Variants in PDPK1 observed in about 807,000 individuals in gnomAD.
The protein encoded by PDPK1 is 3-phosphoinositide-dependent protein kinase 1.
A neutral mutation model predicts 39.8 loss-of-function variants in PDPK1; 7 were observed. The ratio of observed to expected loss-of-function variants is 0.18; its 90% CI spans 0.10 to 0.33. The LOEUF (loss-of-function observed/expected upper bound fraction) is 0.33. Ranked by LOEUF, PDPK1 falls within the 10% of genes least tolerant of loss-of-function variation. The probability of loss-of-function intolerance (pLI) is 1.00; values close to 1 mark genes in which losing one functional copy is unlikely to be tolerated. For missense variants in PDPK1, 182 were observed against 384.7 expected, an observed-to-expected ratio of 0.47 and a Z score of 4.41; for synonymous variants, 118 against 159.1, an observed-to-expected ratio of 0.74 and a Z score of 1.95.
In PDPK1 at chr16:2,586,548, C is replaced by T. The variant is rs1597061425; in HGVS notation, c.1126-128C>T. ...ATGGAGGAGAATCAGGGCTGCCCAC[C>T]CTGTCGCCTTGCGCCTTGCTGTGTG... is the stretch of plus-strand genomic sequence containing the variant. On this transcript the variant is annotated intron_variant, in intron 10 of 13. Coordinates refer to ENST00000342085, the MANE Select transcript of PDPK1 (RefSeq NM_002613.5). 6 of 728,122 alleles carry T rather than the reference C, an allele frequency of 8.2e-6. No homozygotes were observed. The East Asian group carries it at 1.6e-4, about 19-fold the overall frequency. 45.1% of individuals were successfully genotyped at this position (728,122 alleles called of 1,614,324 possible).
intron 1 of PDPK1, among the ~76,000 whole-genome samples, chr16:2,544,630 T>C (rs1277363688): frequency 1.3e-5 from 2 of 152,028 alleles, no homozygotes; most frequent in South Asian, 2.1e-4. Flanking sequence ...GTCGCCCAAG[T>C]TGGAGTGCAG....
intron 1 of PDPK1, among the ~76,000 whole-genome samples, chr16:2,539,825 G>A (rs529271914): frequency 6.6e-6 from 1 of 152,338 alleles, no homozygotes; most frequent in Admixed American, 6.5e-5. Context: ...TGCAAGGTGT[G>A]TATTTGGTGT....
At chr16:2,553,026 G>T (rs534593986) in intron 1 of PDPK1, among the ~76,000 whole-genome samples, 3 of 146,334 alleles carry the variant, frequency 2.1e-5, no homozygotes, top group Non-Finnish European at 4.4e-5. Flanking sequence ...TTCCCTTGGG[G>T]GTGGTACGTG....
At chr16:2,585,090 C>T (rs1037925568) in intron 10 of PDPK1, among the ~76,000 whole-genome samples, 1 of 152,230 alleles carries the variant, frequency 6.6e-6, no homozygotes, top group African/African-American at 2.4e-5. Context: ...GCAGCACAGG[C>T]TTCAGTTGTC....
In PDPK1 at chr16:2,601,910, G is replaced by A. The variant is rs1188959290; in HGVS notation, c.*4143G>A. Reference sequence around the variant, plus strand: ...TCTTCATTTCTCCACTGTAGTTGGGGTCCATTGATTGTGCAGGGGAACGTG... The same window carrying A: ...TCTTCATTTCTCCACTGTAGTTGGGATCCATTGATTGTGCAGGGGAACGTG... On this transcript the variant is annotated 3_prime_UTR_variant, in exon 14 of 14. Coordinates refer to ENST00000342085, the MANE Select transcript of PDPK1 (RefSeq NM_002613.5). 1 of 232,502 alleles carries A rather than the reference G, an allele frequency of 4.3e-6. No homozygotes were observed. Among genetic ancestry groups the A allele is most frequent in the Non-Finnish European group, 8.6e-6 (1 of 116,848 alleles). 14.4% of individuals were successfully genotyped at this position (232,502 alleles called of 1,614,324 possible).
intron 11 of PDPK1, among the ~76,000 whole-genome samples, chr16:2,589,035 A>T (rs2141997236): frequency 6.6e-6 from 1 of 152,150 alleles, no homozygotes; most frequent in Admixed American, 6.5e-5. Context: ...CTGCTCACAC[A>T]ACCTCCGCCT....
At chr16:2,558,576 C>T (rs575746007) in intron 2 of PDPK1, among the ~76,000 whole-genome samples, 3 of 149,814 alleles carry the variant, frequency 2.0e-5, no homozygotes, top group South Asian at 4.2e-4. Flanking sequence ...AAATGAAGGT[C>T]GAAAGCAGCT....
At position 2,544,614 on chromosome 16, in the gene PDPK1, C is replaced by T. The variant is rs537355320; in HGVS notation, c.24+6478C>T. Among the ~76,000 whole-genome samples, 264 of 152,010 alleles carry T rather than the reference C, an allele frequency of 1.7e-3. 1 individual carries two copies. Among genetic ancestry groups the T allele is most frequent in the African/African-American group, 5.5e-3 (230 of 41,442 alleles). On this transcript the variant is annotated intron_variant, in intron 1 of 13. Transcript: ENST00000342085. ...AATTTTTTTTTTTGAGACGGAGTCTCGCTCTGTCGCCCAAGTTGGAGTGCA... is the reference window on the plus strand; with the variant it reads ...AATTTTTTTTTTTGAGACGGAGTCTTGCTCTGTCGCCCAAGTTGGAGTGCA...
At position 2,600,897 on chromosome 16, in the gene PDPK1, G is replaced by A. The variant is rs1244669523; in HGVS notation, c.*3130G>A. The A allele has an allele frequency of 1.3e-4, 28 of 214,158 alleles. No homozygotes were observed. The highest frequency in any genetic ancestry group is 2.0e-4 in the Non-Finnish European group (22 of 111,926). 13.3% of individuals were successfully genotyped at this position (214,158 alleles called of 1,614,324 possible). On this transcript the variant is annotated 3_prime_UTR_variant, in exon 14 of 14. Transcript: ENST00000342085. ...AAAATAGGAACATCCGACACACACC[G>A]TTTGCATCGTCTTCTCCCTTGATAT... is the stretch of plus-strand genomic sequence containing the variant.
Position 2,599,039 on chromosome 16 carries a change from C to T in PDPK1, c.*1272C>T, listed in dbSNP as rs148393103. ...TGGTCGGCTTTCCTCTAGAGAGAGC[C>T]GGTTTTGGGGCCATTTCCCTTTGAT... is the stretch of plus-strand genomic sequence containing the variant. On this transcript the variant is annotated 3_prime_UTR_variant, in exon 14 of 14. Transcript: ENST00000342085. 5.0e-4 allele frequency: 116 copies of T among 233,432 alleles called. No homozygotes were observed. The East Asian group carries it at 5.8e-3, about 12-fold the overall frequency. The allele number at this position is 233,432 out of a possible 1,614,324, so 14.5% of individuals were successfully genotyped here. A position where few individuals can be genotyped will look rare whatever the true frequency, so the allele number is the denominator to read the frequency against.
At chr16:2,592,714 C>T (rs2142002770) in intron 11 of PDPK1, 1 of 443,138 alleles carries the variant, frequency 2.3e-6, no homozygotes, top group South Asian at 1.6e-5. Flanking sequence ...GAAGTGCTCA[C>T]AGCAAGGAGC....
Position 2,577,645 on chromosome 16 carries a change from G to T in PDPK1, c.785+145G>T, listed in dbSNP as rs200078347. On this transcript the variant is annotated intron_variant, in intron 7 of 13. Transcript: ENST00000342085. ...CATTTTAAGGCGTATTTTCCGTGGC[G>T]TACACACACGTGATGCGTTAGTGTT... 14 of 630,156 alleles carry T rather than the reference G, an allele frequency of 2.2e-5. No individual in the cohort carries two copies. In the East Asian group the frequency reaches 3.9e-4, roughly 18 times the overall value. 39.0% of individuals were successfully genotyped at this position (630,156 alleles called of 1,614,324 possible). A position where few individuals can be genotyped will look rare whatever the true frequency, so the allele number is the denominator to read the frequency against.
At position 2,593,033 on chromosome 16, in the gene PDPK1, C is replaced by T. The variant is rs113068427; in HGVS notation, c.1344-2760C>T. The T allele has an allele frequency of 7.7e-5, 35 of 455,610 alleles. 3 individuals are homozygous for T. Among genetic ancestry groups the T allele is most frequent in the African/African-American group, 3.2e-4 (16 of 49,948 alleles). 28.2% of individuals were successfully genotyped at this position (455,610 alleles called of 1,614,324 possible). On this transcript the variant is annotated intron_variant, in intron 11 of 13. Transcript: ENST00000342085. This position sits in a 1 kb window ranked among gnomAD's most constrained non-coding sequence, Gnocchi z 4.2. ...CTCCTTGCCTGTGGCCTTTTTTTTT[C>T]TCAGGATGGATTTCTGGAAGCGAGG...
chr16:2,597,108 G>C lies in PDPK1; in HGVS notation c.1402-15G>C, dbSNP rs2067119709. The C allele has an allele frequency of 6.5e-7, 1 of 1,544,770 alleles. No homozygotes were observed. The highest frequency in any genetic ancestry group is 8.8e-7 in the Non-Finnish European group (1 of 1,138,230). Reference sequence around the variant, plus strand: ...ACTGGCCTCTGAGGCCTGTTGTTTTGTGTTTTGGCGTCAGGGTTTATTTGC... The same window carrying C: ...ACTGGCCTCTGAGGCCTGTTGTTTTCTGTTTTGGCGTCAGGGTTTATTTGC... On this transcript the variant is annotated splice_polypyrimidine_tract_variant and intron_variant, in intron 12 of 13. Transcript: ENST00000342085. The surrounding 1 kb of genome is among the most constrained non-coding windows in gnomAD (Gnocchi z 6.3).
chr16:2,590,877 G>A (rs1220775077), intron 11 of PDPK1, among the ~76,000 whole-genome samples: 2 of 151,844 alleles, frequency 1.3e-5, no homozygotes, highest in Admixed American at 6.6e-5. Context: ...CGAACTGCTG[G>A]GCTGAAGCAT....
chr16:2,595,724 C>A, intron 11 of PDPK1, 69 bp from the exon 12 acceptor site: 1 of 1,254,642 alleles, frequency 8.0e-7, no homozygotes, highest in Non-Finnish European at 1.2e-6. Flanking sequence ...GTTCGTGTGG[C>A]AGGAGGAGCG....
In PDPK1 at chr16:2,602,123, G is replaced by A. The variant is rs1296995261; in HGVS notation, c.*4356G>A. The A allele has an allele frequency of 8.5e-6, 2 of 234,526 alleles. No individual in the cohort carries two copies. Among genetic ancestry groups the A allele is most frequent in the Non-Finnish European group, 1.7e-5 (2 of 117,990 alleles). 14.5% of individuals were successfully genotyped at this position (234,526 alleles called of 1,614,324 possible). ...GCAGCTGCTGTGAGAATACGGTGAA[G>A]GTACTTTGTTCTGGAAGATGTTGTC... On this transcript the variant is annotated 3_prime_UTR_variant, in exon 14 of 14. Coordinates refer to ENST00000342085, the MANE Select transcript of PDPK1 (RefSeq NM_002613.5).
At chr16:2,585,181 G>T (rs964716971) in intron 10 of PDPK1, among the ~76,000 whole-genome samples, 1 of 152,210 alleles carries the variant, frequency 6.6e-6, no homozygotes. Flanking sequence ...GCAGGCCCCT[G>T]TGCCTGGGCC....
chr16:2,539,717 G>A (rs555522125), intron 1 of PDPK1, among the ~76,000 whole-genome samples: 4 of 152,326 alleles, frequency 2.6e-5, no homozygotes, highest in African/African-American at 9.6e-5. Flanking sequence ...GGAGGCTGGG[G>A]CCGAGAGTTA....
Sources: gnomAD v4.1 joint callset for allele counts (sites outside exome capture counted in the v4.1 genomes callset) on GRCh38, gnomAD v4.1.1 for gene constraint, Gnocchi (gnomAD v3.1) non-coding constraint, MANE v1.5 for transcripts, NCBI Gene and HGNC (gene_info 2026-07-23, HGNC 2026-07-21) for gene names.